Variants in CPOX observed in about 807,000 individuals in gnomAD.
CPOX encodes coproporphyrinogen oxidase, also known as oxygen-dependent coproporphyrinogen-III oxidase, mitochondrial.
A neutral mutation model predicts 48.9 loss-of-function variants in CPOX; 24 were observed. The ratio of observed to expected loss-of-function variants is 0.49; its 90% CI spans 0.36 to 0.69. The LOEUF (loss-of-function observed/expected upper bound fraction) is 0.69. Ranked by LOEUF, CPOX falls within the 30% of genes least tolerant of loss-of-function variation. The probability of loss-of-function intolerance (pLI) is 0.00; values close to 1 mark genes in which losing one functional copy is unlikely to be tolerated. For synonymous variants in CPOX, 249 were observed against 234.6 expected (o/e 1.06, Z -0.56); for missense variants, 549 against 597.3 (o/e 0.92, Z 0.84).
At chr3:98,586,224 A>C (rs1326787514) in intron 4 of CPOX, among the ~76,000 whole-genome samples, 1 of 152,176 alleles carries the variant, frequency 6.6e-6, no homozygotes, top group South Asian at 2.1e-4. Flanking sequence ...AGTCTCTGTA[A>C]AGGATGTGAA....
intron 1 of CPOX, 48 bp downstream of exon 1, chr3:98,592,901 G>T: frequency 1.3e-6 from 2 of 1,569,282 alleles, no homozygotes; most frequent in South Asian, 2.3e-5. Flanking sequence ...CCTGGAACCT[G>T]ACCCTTTTTC....
Position 98,580,223 on chromosome 3 carries a change from T to C in CPOX, c.*460A>G, listed in dbSNP as rs1052901893. ...AGACTTCAGTATTGACAAAGTAAAA[T>C]TTTTACCTTCAAGTTGCATTCTAAA... On this transcript the variant is annotated 3_prime_UTR_variant, in exon 7 of 7. Coordinates refer to ENST00000647941, the MANE Select transcript of CPOX (RefSeq NM_000097.7). 1.0e-6 allele frequency: 1 copy of C among 994,854 alleles called. No individual in the cohort carries two copies. The highest frequency in any genetic ancestry group is 1.2e-6 in the Non-Finnish European group (1 of 834,986). The allele number at this position is 994,854 out of a possible 1,614,324, so 61.6% of individuals were successfully genotyped here. A position where few individuals can be genotyped will look rare whatever the true frequency, so the allele number is the denominator to read the frequency against.
intron 4 of CPOX, among the ~76,000 whole-genome samples, chr3:98,588,394 A>C (rs1409841261): frequency 2.6e-5 from 4 of 152,210 alleles, no homozygotes; most frequent in Admixed American, 2.6e-4. Flanking sequence ...AATAATTCTC[A>C]TCTGGAATAA....
chr3:98,587,671 G>T (rs1707390563), intron 4 of CPOX, among the ~76,000 whole-genome samples: 1 of 151,462 alleles, frequency 6.6e-6, no homozygotes, highest in East Asian at 1.9e-4. Flanking sequence ...CCTCTTAAAG[G>T]CCCCAGCTCT....
Position 98,580,438 on chromosome 3 carries a change from AC to A in CPOX, c.*244del, listed in dbSNP as rs1286629133. On this transcript the variant is annotated 3_prime_UTR_variant, in exon 7 of 7. Transcript: ENST00000647941. Reference sequence around the variant, plus strand: ...GGAAACTCAATGTCCTATTTTGTAAACTAGTCATATAAAATGACACTAGAAG... The same window carrying A: ...GGAAACTCAATGTCCTATTTTGTAAATAGTCATATAAAATGACACTAGAAG... 1.5e-6 allele frequency: 2 copies of A among 1,324,008 alleles called. No individual in the cohort carries two copies. Among genetic ancestry groups the A allele is most frequent in the Non-Finnish European group, 1.9e-6 (2 of 1,031,898 alleles). 82.0% of individuals were successfully genotyped at this position (1,324,008 alleles called of 1,614,324 possible). A position where few individuals can be genotyped will look rare whatever the true frequency, so the allele number is the denominator to read the frequency against.
At position 98,591,049 on chromosome 3, in the gene CPOX, T is replaced by C. The variant is rs777472751; in HGVS notation, c.663A>G (p.Gln221=). 18 of 1,614,186 alleles carry C rather than the reference T, an allele frequency of 1.1e-5. No individual in the cohort carries two copies. The highest frequency in any genetic ancestry group is 1.4e-5 in the Non-Finnish European group (16 of 1,180,008). Residue 221 remains glutamine, a synonymous_variant, in exon 2 of 7, where the codon CAA becomes CAG. Coordinates refer to ENST00000647941, the MANE Select transcript of CPOX (RefSeq NM_000097.7). ...HGNLSEEAAK[Q]MRSRGKVLKT... ...TCAGAACTTTTCCTCTGCTTCTCAT[T>C]TGTTTTGCAGCTTCCTCTGAAAGAT...
In CPOX at chr3:98,579,594, A is replaced by G. The variant is rs1260993496; in HGVS notation, c.*1089T>C. 1 of 985,098 alleles carries G rather than the reference A, an allele frequency of 1.0e-6. No homozygotes were observed. The highest frequency in any genetic ancestry group is 1.2e-6 in the Non-Finnish European group (1 of 829,706). 61.0% of individuals were successfully genotyped at this position (985,098 alleles called of 1,614,324 possible). On this transcript the variant is annotated 3_prime_UTR_variant, in exon 7 of 7. Coordinates refer to ENST00000647941, the MANE Select transcript of CPOX (RefSeq NM_000097.7). ...TGATATGTATGAGATGCTCTTCCTTATAAACTTTATTACGAAGCAAATAAA... is the reference window on the plus strand; with the variant it reads ...TGATATGTATGAGATGCTCTTCCTTGTAAACTTTATTACGAAGCAAATAAA...
intron 1 of CPOX, among the ~76,000 whole-genome samples, chr3:98,592,028 A>T (rs1675531): frequency 0.68 from 102,434 of 150,964 alleles, 34,826 homozygotes; most frequent in East Asian, 0.75. Flanking sequence ...GAGGATTAAA[A>T]GAGATGAAAT....
chr3:98,588,642 G>T, intron 4 of CPOX, 71 bp downstream of exon 4: 1 of 1,507,730 alleles, frequency 6.6e-7, no homozygotes. Context: ...GGTATTTAGT[G>T]ACATAATAGT....
the CPOX span, among the ~76,000 whole-genome samples, chr3:98,572,210 A>T: frequency 6.6e-6 from 1 of 152,186 alleles, no homozygotes; most frequent in African/African-American, 2.4e-5. Context: ...CTCCTTGTGA[A>T]TATAGTTATG....
In CPOX at chr3:98,593,308, G is replaced by A. The variant is rs1707521653; in HGVS notation, c.197C>T (p.Ser66Leu). The A allele has an allele frequency of 3.5e-6, 5 of 1,438,922 alleles. No homozygotes were observed. Among genetic ancestry groups the A allele is most frequent in the Non-Finnish European group, 4.5e-6 (5 of 1,104,402 alleles). 89.1% of individuals were successfully genotyped at this position (1,438,922 alleles called of 1,614,324 possible). A position where few individuals can be genotyped will look rare whatever the true frequency, so the allele number is the denominator to read the frequency against. ...TEQSRGLGHG[S>L]TSRGGPWVGT... The stretch of plus-strand genomic sequence containing the variant: ...CACCCAGGGGCCGCCTCTCGACGTC[G>A]AGCCGTGCCCCAGCCCGCGGCTCTG... Residue 66 changes from serine to leucine, a missense_variant, in exon 1 of 7, where the codon TCG (serine) becomes TTG (leucine). Transcript: ENST00000647941.
chr3:98,577,965 C>T (rs977363645), downstream of CPOX, among the ~76,000 whole-genome samples: 1 of 152,188 alleles, frequency 6.6e-6, no homozygotes, highest in Non-Finnish European at 1.5e-5. Flanking sequence ...AAATACTCTG[C>T]TGACTAGGAG....
At chr3:98,588,350 T>C (rs991820380) in intron 4 of CPOX, among the ~76,000 whole-genome samples, 5 of 152,186 alleles carry the variant, frequency 3.3e-5, no homozygotes, top group Non-Finnish European at 7.3e-5. Context: ...ACCCTTCCAA[T>C]GCCCTTAGAC....
chr3:98,576,072 CAAAAAAAAA>C (rs56988806), downstream of CPOX, among the ~76,000 whole-genome samples: 5 of 71,402 alleles, frequency 7.0e-5, no homozygotes, highest in South Asian at 7.8e-4. Flanking sequence ...AACTCTGCCT[CAAAAAAAAA>C]AAAAAAAAAA....
At chr3:98,582,606 C>T (rs551496103) in intron 5 of CPOX, among the ~76,000 whole-genome samples, 168 of 152,026 alleles carry the variant, frequency 1.1e-3, no homozygotes, top group Non-Finnish European at 1.1e-3. Flanking sequence ...ATTTTCCTGC[C>T]TCAGTCTCCC....
intron 6 of CPOX, 33 bp downstream of exon 6, chr3:98,581,374 A>T: frequency 7.0e-7 from 1 of 1,434,126 alleles, no homozygotes; most frequent in Non-Finnish European, 9.8e-7. Flanking sequence ...TTGGGAGTGT[A>T]GGGATAACTA....
intron 4 of CPOX, among the ~76,000 whole-genome samples, chr3:98,587,912 A>G (rs973746200): frequency 6.6e-6 from 1 of 152,166 alleles, no homozygotes; most frequent in Non-Finnish European, 1.5e-5. Context: ...AGAGAGAGGA[A>G]AAAACAAACA....
At chr3:98,592,832 G>C in intron 1 of CPOX, 117 bp downstream of exon 1, 1 of 1,160,282 alleles carries the variant, frequency 8.6e-7, no homozygotes, top group Non-Finnish European at 1.3e-6. Context: ...CGGCCTCTCT[G>C]TGGGTACCCC....
chr3:98,582,436 G>A (rs1420676394), intron 5 of CPOX, among the ~76,000 whole-genome samples: 1 of 151,450 alleles, frequency 6.6e-6, no homozygotes, highest in Non-Finnish European at 1.5e-5. Context: ...ATTGGTTACT[G>A]TCTTGATGCC....
Sources: allele counts gnomAD v4.1 joint callset (sites outside exome capture counted in the v4.1 genomes callset), GRCh38; gene constraint gnomAD v4.1.1; transcripts MANE v1.5; gene names NCBI Gene and HGNC (gene_info 2026-07-23, HGNC 2026-07-21).